The following SFMBT1 variants were observed in gnomAD, a reference collection of about 807,000 sequenced individuals.
The protein encoded by SFMBT1 is Scm like with four mbt domains 1, also known as scm-like with four MBT domains protein 1.
Under a neutral mutation model 108.7 loss-of-function variants are expected in SFMBT1, and 32 were observed. The ratio of observed to expected loss-of-function variants is 0.29; its 90% CI spans 0.22 to 0.40. The LOEUF is 0.40. SFMBT1 is among the 10% of genes least tolerant of loss of function. The pLI, the probability that SFMBT1 is intolerant of heterozygous loss-of-function variation, is 1.00. For missense variants in SFMBT1, 816 were observed against 1,059.6 expected, an observed-to-expected ratio of 0.77 and a Z score of 3.19; for synonymous variants, 348 against 369.5, an observed-to-expected ratio of 0.94 and a Z score of 0.67.
chr3:53,040,512 C>T (rs994945622), intron 1 of SFMBT1, among the ~76,000 whole-genome samples: 4 of 151,900 alleles, frequency 2.6e-5, no homozygotes, highest in Admixed American at 2.6e-4. Context: ...CCCAGATAAA[C>T]AGATACTGAC....
intron 2 of SFMBT1, among the ~76,000 whole-genome samples, chr3:52,956,482 TG>T (rs1470120308): frequency 2.6e-5 from 4 of 151,404 alleles, no homozygotes; most frequent in Non-Finnish European, 5.9e-5. Flanking sequence ...TACAATAGGC[TG>T]GGTGCAGTGG....
intron 1 of SFMBT1, among the ~76,000 whole-genome samples, chr3:53,010,133 A>C (rs901924056): frequency 5.9e-5 from 9 of 152,232 alleles, no homozygotes; most frequent in African/African-American, 2.2e-4. Flanking sequence ...AAAAGCAAGC[A>C]ATCATAATGA....
intron 13 of SFMBT1, among the ~76,000 whole-genome samples, chr3:52,917,768 T>C (rs1052297258): frequency 1.3e-5 from 2 of 152,158 alleles, no homozygotes; most frequent in South Asian, 2.1e-4. Context: ...GATAATCTAA[T>C]GCCTGATGAT....
At chr3:52,963,772 T>C (rs1704042477) in intron 2 of SFMBT1, among the ~76,000 whole-genome samples, 1 of 152,108 alleles carries the variant, frequency 6.6e-6, no homozygotes, top group Non-Finnish European at 1.5e-5. Context: ...TAAAATACAA[T>C]ACTCTGACTA....
chr3:52,953,817 A>C (rs1344889416), intron 3 of SFMBT1, among the ~76,000 whole-genome samples: 1 of 152,148 alleles, frequency 6.6e-6, no homozygotes, highest in African/African-American at 2.4e-5. Flanking sequence ...AATACACAAA[A>C]CCAAAAAGGA....
intron 1 of SFMBT1, among the ~76,000 whole-genome samples, chr3:53,023,198 T>G (rs1197592319): frequency 1.3e-5 from 2 of 152,114 alleles, no homozygotes; most frequent in East Asian, 3.8e-4. Flanking sequence ...ATGTGATCCT[T>G]TATGTGACAG....
intron 1 of SFMBT1, among the ~76,000 whole-genome samples, chr3:53,005,788 G>C (rs1048685975): frequency 1.3e-5 from 2 of 152,166 alleles, no homozygotes; most frequent in African/African-American, 4.8e-5. Flanking sequence ...GGATGTAAAC[G>C]ATGTGAATAT....
chr3:53,042,400 T>C (rs931467409), intron 1 of SFMBT1, among the ~76,000 whole-genome samples: 2 of 152,216 alleles, frequency 1.3e-5, no homozygotes, highest in East Asian at 1.9e-4. Context: ...AGTGCAGCAG[T>C]GCAATCATAG....
At chr3:53,041,299 CAT>C (rs1216964504) in intron 1 of SFMBT1, among the ~76,000 whole-genome samples, 1 of 152,126 alleles carries the variant, frequency 6.6e-6, no homozygotes, top group African/African-American at 2.4e-5. Flanking sequence ...GCAGTGAAGT[CAT>C]ATGATTTTTC....
At chr3:53,001,632 A>T (rs1482789758) in intron 1 of SFMBT1, among the ~76,000 whole-genome samples, 4 of 149,102 alleles carry the variant, frequency 2.7e-5, no homozygotes, top group African/African-American at 4.9e-5. Flanking sequence ...AGCCAGGCAC[A>T]GTGGCCGCGC....
At chr3:52,974,362 T>C (rs1704444033) in intron 1 of SFMBT1, among the ~76,000 whole-genome samples, 1 of 152,200 alleles carries the variant, frequency 6.6e-6, no homozygotes, top group African/African-American at 2.4e-5. Context: ...ACTCTGACCC[T>C]GACAGTGCAG....
At position 52,997,226 on chromosome 3, in the gene SFMBT1, C is replaced by T. The variant is rs991285403; in HGVS notation, c.-130-27968G>A. On this transcript the variant is annotated intron_variant, in intron 1 of 20. Transcript: ENST00000394752. ...AAGAACTAGAAATAACCCAAATGTC[C>T]ATCAACTAGTGAATGGATAAACAAA... Among the ~76,000 whole-genome samples, 22 of 149,938 alleles carry T rather than the reference C, an allele frequency of 1.5e-4. 2 individuals carry two copies.
chr3:52,992,415 C>G (rs1705170429), intron 1 of SFMBT1, among the ~76,000 whole-genome samples: 1 of 151,874 alleles, frequency 6.6e-6, no homozygotes, highest in South Asian at 2.1e-4. Flanking sequence ...CTCACATACC[C>G]CATAAATACA....
At chr3:52,975,709 C>A (rs1172847983) in intron 1 of SFMBT1, among the ~76,000 whole-genome samples, 1 of 152,206 alleles carries the variant, frequency 6.6e-6, no homozygotes, top group Non-Finnish European at 1.5e-5. Flanking sequence ...TCAAGCAATT[C>A]TCGTGCCTTA....
rs183643584 is a variant in SFMBT1, at chr3:52,992,224, G to A, written c.-130-22966C>T. ...TTCATCAACTGTTCTTCCTAAGCAG[G>A]TCCTGAGCTGCCTCACCTTCCTAGT... On this transcript the variant is annotated intron_variant, in intron 1 of 20. Transcript: ENST00000394752. 3.9e-3 allele frequency among the ~76,000 whole-genome samples: 600 copies of A among 152,288 alleles called. 7 individuals are homozygous for A. Among genetic ancestry groups the A allele is most frequent in the South Asian group, 0.023 (109 of 4,830 alleles).
At chr3:53,015,212 A>C (rs1699085021) in intron 1 of SFMBT1, among the ~76,000 whole-genome samples, 1 of 151,644 alleles carries the variant, frequency 6.6e-6, no homozygotes, top group African/African-American at 2.4e-5. Context: ...ACCCTGTCCC[A>C]AGGAAAAAAA....
intron 14 of SFMBT1, among the ~76,000 whole-genome samples, chr3:52,914,658 A>C (rs4687689): frequency 0.54 from 81,689 of 152,072 alleles, 22,996 homozygotes; most frequent in Non-Finnish European, 0.63. Flanking sequence ...GTAGGAGGAC[A>C]GCTTGAGCCC....
intron 1 of SFMBT1, among the ~76,000 whole-genome samples, chr3:52,998,818 C>T (rs866333342): frequency 6.6e-6 from 1 of 150,684 alleles, no homozygotes; most frequent in African/African-American, 2.4e-5. Flanking sequence ...GACTGGCCCA[C>T]AACGTCTTCA....
chr3:52,958,870 T>C (rs1253229732), intron 2 of SFMBT1, among the ~76,000 whole-genome samples: 1 of 152,072 alleles, frequency 6.6e-6, no homozygotes, highest in Non-Finnish European at 1.5e-5. Context: ...AGACATGGAA[T>C]CAACCCAAAT....
Sources: gnomAD v4.1 joint callset for allele counts (sites outside exome capture counted in the v4.1 genomes callset) on GRCh38, gnomAD v4.1.1 for gene constraint, MANE v1.5 for transcripts, NCBI Gene and HGNC (gene_info 2026-07-23, HGNC 2026-07-21) for gene names.